The following BCAS3 variants were observed in gnomAD, a reference collection of about 807,000 sequenced individuals.
BCAS3 encodes the protein BCAS4/BCAS3 fusion.
BCAS3 carries 53 observed loss-of-function variants against 116.1 expected under a neutral mutation model. That is an observed-to-expected ratio of 0.46 (90% confidence interval 0.37 to 0.57). The LOEUF (loss-of-function observed/expected upper bound fraction) is 0.57. Ranked by LOEUF, BCAS3 falls within the 20% of genes least tolerant of loss-of-function variation. BCAS3 has a pLI of 0.00. For synonymous variants in BCAS3, 391 were observed against 408.2 expected, an observed-to-expected ratio of 0.96 and a Z score of 0.51; for missense variants, 917 against 1,165.4, an observed-to-expected ratio of 0.79 and a Z score of 3.10.
intron 4 of BCAS3, among the ~76,000 whole-genome samples, chr17:60,708,953 C>T (rs551092178): frequency 2.6e-4 from 39 of 152,120 alleles, no homozygotes; most frequent in Non-Finnish European, 4.6e-4. Flanking sequence ...GCCACCATGC[C>T]CAGCCCTGTT....
rs1303780167 is a variant in BCAS3 at position 61,150,755 on chromosome 17, C to A, written c.2425+66191C>A. The stretch of plus-strand genomic sequence containing the variant: ...GAGGCCAAGTTGTAAATGTCTTTAA[C>A]CCCCAGACTGCTTTTGGAACTTGTG... On this transcript the variant is annotated intron_variant, in intron 22 of 23. Transcript: ENST00000407086. 2.0e-5 allele frequency among the ~76,000 whole-genome samples: 3 copies of A among 152,156 alleles called. No homozygotes were observed. In the East Asian group the frequency reaches 5.8e-4, roughly 29 times the overall value.
chr17:60,781,255 C>T (rs1175464140), intron 6 of BCAS3, among the ~76,000 whole-genome samples: 1 of 151,928 alleles, frequency 6.6e-6, no homozygotes, highest in Non-Finnish European at 1.5e-5. Flanking sequence ...CAGGTGTGAG[C>T]CGCTACGCCC....
chr17:60,914,463 A>G (rs1304414897), intron 12 of BCAS3, among the ~76,000 whole-genome samples: 1 of 152,242 alleles, frequency 6.6e-6, no homozygotes, highest in East Asian at 1.9e-4. Context: ...AAGGAAACAT[A>G]CAGGGTGTAG....
chr17:60,896,723 G>A (rs550230809), intron 10 of BCAS3, among the ~76,000 whole-genome samples: 7 of 151,044 alleles, frequency 4.6e-5, no homozygotes, highest in African/African-American at 1.7e-4. Flanking sequence ...ATGTCTTTAT[G>A]GTAAGGTAAG....
intron 4 of BCAS3, among the ~76,000 whole-genome samples, chr17:60,700,697 A>C (rs1291009798): frequency 6.6e-6 from 1 of 152,200 alleles, no homozygotes; most frequent in Non-Finnish European, 1.5e-5. Context: ...AAGTTAGAGG[A>C]TTATCCCTGA....
rs993427426 is a variant in BCAS3 at position 61,122,815 on chromosome 17, T to C, written c.2425+38251T>C. On this transcript the variant is annotated intron_variant, in intron 22 of 23. Transcript: ENST00000407086. The surrounding 1 kb of genome is among the most constrained non-coding windows in gnomAD (Gnocchi z 4.6). Reference sequence around the variant, plus strand: ...TTAGCATCTGTTGTCAATACAGCAATGTAAGCTGATGGCTATTGGAATTCA... The same window carrying C: ...TTAGCATCTGTTGTCAATACAGCAACGTAAGCTGATGGCTATTGGAATTCA... 6.6e-6 allele frequency among the ~76,000 whole-genome samples: 1 copy of C among 152,228 alleles called. No homozygotes were observed. Among genetic ancestry groups the C allele is most frequent in the Non-Finnish European group, 1.5e-5 (1 of 68,042 alleles).
Position 61,390,556 on chromosome 17 carries a change from A to T in BCAS3, c.2594-1421A>T, listed in dbSNP as rs900881365. 1.3e-5 allele frequency: 2 copies of T among 150,106 alleles called. No individual in the cohort carries two copies. Among genetic ancestry groups the T allele is most frequent in the African/African-American group, 4.9e-5 (2 of 40,644 alleles). 9.3% of individuals were successfully genotyped at this position (150,106 alleles called of 1,614,324 possible). A position where few individuals can be genotyped will look rare whatever the true frequency, so the allele number is the denominator to read the frequency against. On this transcript the variant is annotated intron_variant, in intron 23 of 23. Coordinates refer to ENST00000407086, the MANE Select transcript of BCAS3 (RefSeq NM_017679.5). The surrounding 1 kb of genome is among the most constrained non-coding windows in gnomAD (Gnocchi z 6.8). ...CGACAGACTCGGCTGATGGATCCCA[A>T]GGGCCCCTCCCCTCCCCAGGCCCAG...
chr17:60,972,574 A>G (rs1189130153), intron 14 of BCAS3, among the ~76,000 whole-genome samples: 1 of 151,570 alleles, frequency 6.6e-6, no homozygotes, highest in African/African-American at 2.4e-5. Flanking sequence ...CAGCCTCCCA[A>G]GTAGCTGGGA....
At chr17:60,975,127 G>A (rs1302290006) in intron 14 of BCAS3, among the ~76,000 whole-genome samples, 2 of 150,616 alleles carry the variant, frequency 1.3e-5, no homozygotes, top group Admixed American at 6.6e-5. Flanking sequence ...TCAGCCTCCC[G>A]AGTAGCTGGG....
Position 61,087,524 on chromosome 17 carries a change from G to A in BCAS3, c.2425+2960G>A, listed in dbSNP as rs2073183098. On this transcript the variant is annotated intron_variant, in intron 22 of 23. Coordinates refer to ENST00000407086, the MANE Select transcript of BCAS3 (RefSeq NM_017679.5). This position sits in a 1 kb window ranked among gnomAD's most constrained non-coding sequence, Gnocchi z 4.6. Reference sequence around the variant, plus strand: ...ATTTTATTTAAATCTTGGGTCTGCAGTTTATTTTCTAGATATCTATGTATT... The same window carrying A: ...ATTTTATTTAAATCTTGGGTCTGCAATTTATTTTCTAGATATCTATGTATT... 1 of 152,234 alleles carries A rather than the reference G, an allele frequency of 6.6e-6. No homozygotes were observed. The highest frequency in any genetic ancestry group is 6.5e-5 in the Admixed American group (1 of 15,272). The allele number at this position is 152,234 out of a possible 1,614,324, so 9.4% of individuals were successfully genotyped here.
intron 22 of BCAS3, among the ~76,000 whole-genome samples, chr17:61,267,587 A>G (rs1456571506): frequency 6.7e-6 from 1 of 150,252 alleles, no homozygotes; most frequent in East Asian, 2.0e-4. Flanking sequence ...AAATACAAAA[A>G]TTAGCTGGGC....
Position 61,229,250 on chromosome 17 carries a change from G to A in BCAS3, c.2426-139077G>A, listed in dbSNP as rs987526617. Among the ~76,000 whole-genome samples the A allele has an allele frequency of 6.6e-6, 1 of 152,210 alleles. No homozygotes were observed. The highest frequency in any genetic ancestry group is 2.4e-5 in the African/African-American group (1 of 41,440). ...ACCTCTTTCAATTCTATGAAGCTGA[G>A]AGAGGTGAGGAAGCTACAGAAGAAA... On this transcript the variant is annotated intron_variant, in intron 22 of 23. Coordinates refer to ENST00000407086, the MANE Select transcript of BCAS3 (RefSeq NM_017679.5). This position sits in a 1 kb window ranked among gnomAD's most constrained non-coding sequence, Gnocchi z 4.4.
Position 61,087,908 on chromosome 17 carries a change from C to T in BCAS3, c.2425+3344C>T, listed in dbSNP as rs1009246877. On this transcript the variant is annotated intron_variant, in intron 22 of 23. Coordinates refer to ENST00000407086, the MANE Select transcript of BCAS3 (RefSeq NM_017679.5). This position sits in a 1 kb window ranked among gnomAD's most constrained non-coding sequence, Gnocchi z 4.6. The stretch of plus-strand genomic sequence containing the variant: ...TTCTAATGACACCATACCAGCTGGG[C>T]GCAGTGGATCACAACTATAATCCTA... 1.4e-4 allele frequency among the ~76,000 whole-genome samples: 21 copies of T among 152,064 alleles called. No homozygotes were observed. The highest frequency in any genetic ancestry group is 4.6e-4 in the African/African-American group (19 of 41,370).
chr17:60,866,079 G>A (rs1050046728), intron 7 of BCAS3, among the ~76,000 whole-genome samples: 2 of 151,388 alleles, frequency 1.3e-5, no homozygotes, highest in Non-Finnish European at 2.9e-5. Context: ...AAGCAGCCTT[G>A]CATTCCTGCA....
chr17:60,709,044 A>G (rs888006228), intron 4 of BCAS3, among the ~76,000 whole-genome samples, 175 bp from the exon 5 acceptor site: 1 of 152,162 alleles, frequency 6.6e-6, no homozygotes, highest in African/African-American at 2.4e-5. Context: ...TGACAGATAT[A>G]TAAGGAAATA....
chr17:61,297,655 G>A (rs1174963537), intron 22 of BCAS3, among the ~76,000 whole-genome samples: 1 of 152,200 alleles, frequency 6.6e-6, no homozygotes, highest in Non-Finnish European at 1.5e-5. Context: ...AGGGAGGTCA[G>A]TGTGATGGGG....
chr17:61,163,306 C>T (rs1298994860), intron 22 of BCAS3, among the ~76,000 whole-genome samples: 1 of 98,812 alleles, frequency 1.0e-5, no homozygotes, highest in South Asian at 6.1e-4. Flanking sequence ...CGCCTGTAGT[C>T]CCAGCTACTG....
chr17:61,016,475 G>C (rs569245049), intron 16 of BCAS3, among the ~76,000 whole-genome samples: 6 of 152,226 alleles, frequency 3.9e-5, no homozygotes, highest in Non-Finnish European at 5.9e-5. Flanking sequence ...TTACTCACTT[G>C]ATTTATTTGT....
chr17:60,932,523 C>CCT (rs2059702441), intron 13 of BCAS3, among the ~76,000 whole-genome samples: 1 of 151,882 alleles, frequency 6.6e-6, no homozygotes, highest in Non-Finnish European at 1.5e-5. Context: ...GGGTGGATCA[C>CCT]AAGGTCAGGA....
Sources: allele counts gnomAD v4.1 joint callset (sites outside exome capture counted in the v4.1 genomes callset), GRCh38; gene constraint gnomAD v4.1.1; non-coding constraint Gnocchi (gnomAD v3.1); transcripts MANE v1.5; gene names NCBI Gene and HGNC (gene_info 2026-07-23, HGNC 2026-07-21).